The following JMJD1C variants were observed in gnomAD, a reference collection of about 807,000 sequenced individuals.
JMJD1C encodes jumonji domain-containing protein 1C.
JMJD1C carries 31 observed loss-of-function variants against 245.3 expected under a neutral mutation model. That is an observed-to-expected ratio of 0.13 (90% CI 0.09 to 0.17). The LOEUF is 0.17. Among genes scored for constraint, JMJD1C ranks in the 10% least tolerant of loss-of-function variants. The pLI is 1.00. For missense variants in JMJD1C, 2,691 were observed against 3,000.2 expected (o/e 0.90, Z 2.41); for synonymous variants, 1,057 against 1,017.4 (o/e 1.04, Z -0.74).
chr10:63,299,357 A>ATTTTTT (rs59878158), intron 2 of JMJD1C, among the ~76,000 whole-genome samples: 1 of 135,796 alleles, frequency 7.4e-6, no homozygotes, highest in Non-Finnish European at 1.6e-5. Flanking sequence ...TAATTTTTCC[A>ATTTTTT]TTTTTTTTTT....
intron 2 of JMJD1C, among the ~76,000 whole-genome samples, chr10:63,369,888 AACAATGTGATTT>A (rs1461651492): frequency 6.6e-6 from 1 of 152,166 alleles, no homozygotes; most frequent in Non-Finnish European, 1.5e-5. Flanking sequence ...TGGACAGTTT[AACAATGTGATTT>A]ACAATGGGGG....
intron 2 of JMJD1C, among the ~76,000 whole-genome samples, chr10:63,371,241 C>A (rs1946292873): frequency 6.6e-6 from 1 of 152,072 alleles, no homozygotes; most frequent in African/African-American, 2.4e-5. Flanking sequence ...CTCAACCTCC[C>A]AAAGTGCTGG....
At position 63,185,610 on chromosome 10, in the gene JMJD1C, C is replaced by A. The variant is rs1214127493; in HGVS notation, c.6783G>T (p.Leu2261Phe). The change falls in exon 20 of 26, where the codon TTG becomes TTT. Residue 2261 changes from leucine (L) to phenylalanine (F), a missense_variant. Physicochemically the swap from Leu to Phe is conservative, Grantham distance 22. This residue lies in a region of JMJD1C where 232 missense variants were observed against 416.1 expected (regional missense o/e 0.56). Transcript: ENST00000399262. Reference protein sequence around the residue: ...NKSGETVVLKLKDWPSGEDFK... With the variant: ...NKSGETVVLKFKDWPSGEDFK... The stretch of plus-strand genomic sequence containing the variant: ...AGTCTTCTCCTGAAGGCCAGTCTTT[C>A]AATTTTAAAACAACTGTTTCTCCAC... 6.2e-7 allele frequency: 1 copy of A among 1,606,860 alleles called. No individual in the cohort carries two copies. The highest frequency in any genetic ancestry group is 8.5e-7 in the Non-Finnish European group (1 of 1,173,442).
At chr10:63,423,906 T>A (rs1400974036) in intron 1 of JMJD1C, among the ~76,000 whole-genome samples, 1 of 152,226 alleles carries the variant, frequency 6.6e-6, no homozygotes, top group Non-Finnish European at 1.5e-5. Flanking sequence ...ATACTGACGA[T>A]CTTGCCTTAT....
intron 24 of JMJD1C, among the ~76,000 whole-genome samples, chr10:63,175,616 G>C (rs1027604202): frequency 7.2e-5 from 11 of 152,192 alleles, no homozygotes; most frequent in African/African-American, 2.7e-4. Context: ...TTACTTAGCA[G>C]TGGAAAAGGT....
intron 1 of JMJD1C, among the ~76,000 whole-genome samples, chr10:63,464,004 G>C (rs1022961514): frequency 1.3e-5 from 2 of 151,442 alleles, no homozygotes; most frequent in Non-Finnish European, 2.9e-5. Context: ...CTTTTTTACA[G>C]ATGAGGGGGT....
chr10:63,214,030 C>G lies in JMJD1C; in HGVS notation c.2137G>C (p.Val713Leu). ...CCAATAAGTGCAGGATCTCTGTAAA[C>G]TGTAAAATGCTCATTTTTATCAATG... Reference protein sequence around the residue: ...LIIDKNEHFTVYRDPALIGSE... With the variant: ...LIIDKNEHFTLYRDPALIGSE... The change falls in exon 8 of 26, where the codon GTT becomes CTT. Residue 713 changes from valine (V) to leucine (L), a missense_variant. By Grantham distance (32) the Val-to-Leu change is conservative. Transcript: ENST00000399262. 6.2e-7 allele frequency: 1 copy of G among 1,614,170 alleles called. No homozygotes were observed. The highest frequency in any genetic ancestry group is 1.3e-5 in the African/African-American group (1 of 75,038).
At chr10:63,296,003 G>GTGTATATA (rs1285499198) in intron 2 of JMJD1C, among the ~76,000 whole-genome samples, 41 of 95,716 alleles carry the variant, frequency 4.3e-4, no homozygotes, top group African/African-American at 1.5e-3. Context: ...GTGTGTGTGT[G>GTGTATATA]TATATATATA....
chr10:63,239,763 G>A (rs890135343), intron 3 of JMJD1C, among the ~76,000 whole-genome samples: 3 of 152,110 alleles, frequency 2.0e-5, no homozygotes, highest in African/African-American at 7.2e-5. Flanking sequence ...TGATTTAAGT[G>A]ACAAACTGGC....
intron 1 of JMJD1C, among the ~76,000 whole-genome samples, chr10:63,475,495 T>G (rs1045348261): frequency 1.3e-5 from 2 of 152,174 alleles, no homozygotes; most frequent in East Asian, 3.9e-4. Flanking sequence ...TCCTAATAAA[T>G]TCCTGCAAAA....
At chr10:63,421,311 G>A (rs970282297) in intron 1 of JMJD1C, among the ~76,000 whole-genome samples, 1 of 152,188 alleles carries the variant, frequency 6.6e-6, no homozygotes, top group African/African-American at 2.4e-5. Context: ...TCCAGCCTGG[G>A]CAAGAAGAGT....
At chr10:63,204,779 T>C in intron 10 of JMJD1C, 8 of 985,498 alleles carry the variant, frequency 8.1e-6, no homozygotes, top group South Asian at 4.7e-5. Flanking sequence ...TTGTCCTTTG[T>C]TCTTTCACTT....
At chr10:63,402,117 A>G (rs1262389636) in intron 1 of JMJD1C, among the ~76,000 whole-genome samples, 1 of 149,326 alleles carries the variant, frequency 6.7e-6, no homozygotes, top group Non-Finnish European at 1.5e-5. Flanking sequence ...CTGGGCAACA[A>G]GAGCAAACTC....
At chr10:63,485,907 A>C (rs1021725400) in intron 1 of JMJD1C, among the ~76,000 whole-genome samples, 1 of 152,130 alleles carries the variant, frequency 6.6e-6, no homozygotes, top group Non-Finnish European at 1.5e-5. Context: ...TTGACAGCAC[A>C]GTAGGGACAA....
chr10:63,225,985 AC>A (rs67708339), intron 3 of JMJD1C, among the ~76,000 whole-genome samples: 86,770 of 132,598 alleles, frequency 0.65, 28,776 homozygotes, highest in Non-Finnish European at 0.78. Context: ...CTTCTCCCCC[AC>A]CCCCCCCTTC....
At chr10:63,339,530 A>G (rs1050658243) in intron 2 of JMJD1C, among the ~76,000 whole-genome samples, 2 of 152,140 alleles carry the variant, frequency 1.3e-5, no homozygotes, top group Non-Finnish European at 2.9e-5. Context: ...CGCCTGTAAT[A>G]CCAGCACTTT....
chr10:63,499,498 C>A (rs1805472826), intron 1 of JMJD1C, among the ~76,000 whole-genome samples: 1 of 152,076 alleles, frequency 6.6e-6, no homozygotes, highest in East Asian at 1.9e-4. Flanking sequence ...AATGTATAGG[C>A]AAGACTGACT....
intron 2 of JMJD1C, among the ~76,000 whole-genome samples, chr10:63,317,544 C>T (rs898632856): frequency 1.3e-5 from 2 of 152,164 alleles, no homozygotes; most frequent in Non-Finnish European, 1.5e-5. Flanking sequence ...ACTACACACA[C>T]ACACACACAA....
At chr10:63,517,741 C>T (rs972311213) in intron 1 of JMJD1C, among the ~76,000 whole-genome samples, 14 of 151,932 alleles carry the variant, frequency 9.2e-5, no homozygotes, top group African/African-American at 3.1e-4. Flanking sequence ...CTCCCAGTGC[C>T]CCTAGCACCT....
Sources: allele counts gnomAD v4.1 joint callset (sites outside exome capture counted in the v4.1 genomes callset), GRCh38; gene constraint gnomAD v4.1.1; regional missense constraint gnomAD v4.1.1; transcripts MANE v1.5; gene names NCBI Gene and HGNC (gene_info 2026-07-23, HGNC 2026-07-21).